Variants in SDK1 observed in about 807,000 individuals in gnomAD.
The protein encoded by SDK1 is sidekick cell adhesion molecule 1.
Under a neutral mutation model 245.5 loss-of-function variants are expected in SDK1, and 157 were observed. The ratio of observed to expected loss-of-function variants is 0.64; its 90% CI spans 0.56 to 0.73. The LOEUF (loss-of-function observed/expected upper bound fraction) is 0.73, where lower values mean the gene tolerates loss of function less well. Ranked by LOEUF, SDK1 falls within the 30% of genes least tolerant of loss-of-function variation. SDK1 has a pLI of 0.00. For missense variants in SDK1, 3,583 were observed against 3,002.3 expected, an observed-to-expected ratio of 1.19 and a Z score of -4.52; for synonymous variants, 1,647 against 1,278.5, an observed-to-expected ratio of 1.29 and a Z score of -6.15.
At chr7:4,161,084 T>G (rs1781089467) in intron 31 of SDK1, among the ~76,000 whole-genome samples, 1 of 152,158 alleles carries the variant, frequency 6.6e-6, no homozygotes, top group Non-Finnish European at 1.5e-5. Context: ...TTCAGCTCAA[T>G]ATGCCAAGAC....
At chr7:3,505,931 T>A (rs1008852035) in intron 1 of SDK1, among the ~76,000 whole-genome samples, 7 of 152,242 alleles carry the variant, frequency 4.6e-5, no homozygotes, top group Admixed American at 4.6e-4. Flanking sequence ...GCAATTACTG[T>A]TATGCATTTT....
intron 4 of SDK1, among the ~76,000 whole-genome samples, chr7:3,768,058 C>T (rs1044609926): frequency 2.6e-5 from 4 of 152,224 alleles, no homozygotes; most frequent in Non-Finnish European, 4.4e-5. Context: ...TAAGGCCACA[C>T]AGCCAATAAG....
intron 1 of SDK1, among the ~76,000 whole-genome samples, chr7:3,501,554 T>G (rs1052103356): frequency 1.3e-5 from 2 of 152,136 alleles, no homozygotes; most frequent in African/African-American, 4.8e-5. Context: ...GAAAGGTGAT[T>G]TAGTCATACA....
chr7:4,022,306 C>T (rs144240961), intron 17 of SDK1, among the ~76,000 whole-genome samples: 164 of 152,356 alleles, frequency 1.1e-3, no homozygotes, highest in Non-Finnish European at 2.1e-3. Context: ...GGCCAGCCAG[C>T]CTCATTTCTC....
At position 4,129,993 on chromosome 7, in the gene SDK1, G is replaced by A. The variant is rs1456941169; in HGVS notation, c.4025G>A (p.Gly1342Asp). The change falls in exon 27 of 45, where the codon GGC (glycine) becomes GAC (aspartate). Residue 1342 changes from glycine (G) to aspartate (D), a missense_variant. Gly to Asp is a moderately conservative substitution (Grantham distance 94, BLOSUM62 -1). Coordinates refer to ENST00000404826, the MANE Select transcript of SDK1 (RefSeq NM_152744.4). Reference protein sequence around the residue: ...GNHTQSALLAGLRKFVLYELQ... With the variant: ...GNHTQSALLADLRKFVLYELQ... ...CACACGCAGTCGGCCCTGCTGGCAGGCCTGCGCAAGTTCGTGCTCTACGAG... is the reference window on the plus strand; with the variant it reads ...CACACGCAGTCGGCCCTGCTGGCAGACCTGCGCAAGTTCGTGCTCTACGAG... The A allele has an allele frequency of 6.2e-7, 1 of 1,613,716 alleles. No homozygotes were observed. Among genetic ancestry groups the A allele is most frequent in the Non-Finnish European group, 8.5e-7 (1 of 1,179,970 alleles).
intron 1 of SDK1, among the ~76,000 whole-genome samples, chr7:3,593,975 G>T (rs1780972059): frequency 2.0e-5 from 3 of 152,110 alleles, no homozygotes. Flanking sequence ...CAGCCATAGG[G>T]TTCACCATTT....
At chr7:3,706,467 T>A (rs1784892493) in intron 4 of SDK1, among the ~76,000 whole-genome samples, 1 of 152,192 alleles carries the variant, frequency 6.6e-6, no homozygotes, top group Non-Finnish European at 1.5e-5. Context: ...AGTGGCACGA[T>A]CTCAGCTCAC....
chr7:3,999,944 A>C (rs893234763), intron 14 of SDK1, among the ~76,000 whole-genome samples: 2 of 152,148 alleles, frequency 1.3e-5, no homozygotes, highest in Non-Finnish European at 2.9e-5. Context: ...TTGTACAACA[A>C]AGAGCTGCAC....
chr7:3,469,363 C>G (rs1366155711), intron 1 of SDK1, among the ~76,000 whole-genome samples: 3 of 152,202 alleles, frequency 2.0e-5, no homozygotes, highest in East Asian at 1.9e-4. Flanking sequence ...CCCAGGAGTT[C>G]AAGGCTGAAG....
chr7:3,723,227 A>C (rs779017941), intron 4 of SDK1, among the ~76,000 whole-genome samples: 3 of 152,222 alleles, frequency 2.0e-5, no homozygotes, highest in Non-Finnish European at 4.4e-5. Flanking sequence ...ATGAGACAGT[A>C]AATAAGTTAG....
At chr7:4,182,696 C>T (rs1176454753) in intron 35 of SDK1, among the ~76,000 whole-genome samples, 2 of 152,208 alleles carry the variant, frequency 1.3e-5, no homozygotes, top group Non-Finnish European at 2.9e-5. Context: ...CGCCCAGGCA[C>T]TCATGTTCTA....
chr7:3,420,867 C>A (rs775077328), intron 1 of SDK1, among the ~76,000 whole-genome samples: 1 of 152,078 alleles, frequency 6.6e-6, no homozygotes, highest in Non-Finnish European at 1.5e-5. Context: ...AGTATTAAAC[C>A]CCACATGCAT....
intron 44 of SDK1, among the ~76,000 whole-genome samples, chr7:4,250,430 G>A (rs1350262299): frequency 1.3e-5 from 2 of 151,686 alleles, no homozygotes; most frequent in East Asian, 1.9e-4. Context: ...TCTAACCTCC[G>A]CCTCCTGGGT....
chr7:4,210,725 C>G (rs1017057954), intron 38 of SDK1, among the ~76,000 whole-genome samples: 1 of 152,212 alleles, frequency 6.6e-6, no homozygotes, highest in African/African-American at 2.4e-5. Context: ...AATCGAGGAC[C>G]TGGGAAAGCC....
intron 1 of SDK1, among the ~76,000 whole-genome samples, chr7:3,566,748 T>C (rs1046593858): frequency 4.2e-5 from 6 of 143,554 alleles, no homozygotes; most frequent in African/African-American, 1.5e-4. Flanking sequence ...GTGATTGCAA[T>C]CCAAGGAGAA....
At chr7:3,825,932 C>G (rs1192831995) in intron 5 of SDK1, among the ~76,000 whole-genome samples, 2 of 152,194 alleles carry the variant, frequency 1.3e-5, no homozygotes, top group Admixed American at 1.3e-4. Flanking sequence ...GGCCTAGCCC[C>G]ACATCACAAA....
chr7:3,649,438 C>A (rs551168720), intron 4 of SDK1, among the ~76,000 whole-genome samples: 13 of 151,992 alleles, frequency 8.6e-5, no homozygotes, highest in African/African-American at 2.9e-4. Flanking sequence ...GCAGCTCTGC[C>A]CTCCTGCTTG....
chr7:4,113,501 C>G, intron 24 of SDK1, 62 bp downstream of exon 24: 1 of 1,568,524 alleles, frequency 6.4e-7, no homozygotes, highest in Non-Finnish European at 8.7e-7. Context: ...AGGGCACACA[C>G]TAATCCAGGG....
chr7:3,705,652 T>A (rs1784866796), intron 4 of SDK1, among the ~76,000 whole-genome samples: 3 of 152,110 alleles, frequency 2.0e-5, no homozygotes, highest in African/African-American at 7.2e-5. Flanking sequence ...AGTAGTCCTT[T>A]AGAGGAGTCT....
Sources: gnomAD v4.1 joint callset for allele counts (sites outside exome capture counted in the v4.1 genomes callset) on GRCh38, gnomAD v4.1.1 for gene constraint, MANE v1.5 for transcripts, NCBI Gene and HGNC (gene_info 2026-07-23, HGNC 2026-07-21) for gene names.